ZSWIM7: variants seen among roughly 807,000 people sequenced by gnomAD.
ZSWIM7 encodes zinc finger SWIM-type containing 7.
ZSWIM7 carries 22 observed loss-of-function variants against 21.1 expected under a neutral mutation model. That is an observed-to-expected ratio of 1.04 (90% CI 0.74 to 1.49). The LOEUF is 1.49. ZSWIM7 is among the 40% of genes most tolerant of loss of function. The probability of loss-of-function intolerance (pLI) is 0.00; values close to 1 mark genes in which losing one functional copy is unlikely to be tolerated. For missense variants in ZSWIM7, 193 were observed against 168.0 expected, an observed-to-expected ratio of 1.15 and a Z score of -0.82; for synonymous variants, 67 against 66.5, an observed-to-expected ratio of 1.01 and a Z score of -0.04.
intron 2 of ZSWIM7, chr17:15,990,752 T>G (rs1970472059): frequency 6.6e-6 from 1 of 151,966 alleles, no homozygotes; most frequent in Admixed American, 6.6e-5. Flanking sequence ...TAGAAAAGAG[T>G]GCTTTGAATT....
chr17:15,988,928 G>A (rs1161992224), intron 2 of ZSWIM7, among the ~76,000 whole-genome samples: 2 of 152,162 alleles, frequency 1.3e-5, no homozygotes, highest in Non-Finnish European at 2.9e-5. Flanking sequence ...GCTGAGGCAG[G>A]AGAATCGCTT....
Position 15,978,105 on chromosome 17 carries a change from C to G in ZSWIM7, c.365G>C (p.Ser122Thr). The G allele has an allele frequency of 3.1e-6, 5 of 1,614,168 alleles. No homozygotes were observed. The highest frequency in any genetic ancestry group is 4.2e-6 in the Non-Finnish European group (5 of 1,180,018). The change falls in exon 5 of 5, where the codon AGT becomes ACT. Residue 122 changes from serine to threonine, a missense_variant. Ser to Thr is a moderately conservative substitution (Grantham distance 58, BLOSUM62 1). Coordinates refer to ENST00000399277, the MANE Select transcript of ZSWIM7 (RefSeq NM_001042697.2). ...SQVMRTCQQL[S>T]VSDKQLTDIL... ...GTCAGTCAACTGCTTGTCAGAGACA[C>G]TTAGCTGCTGACAGGTCCTCATAAC...
chr17:15,982,958 A>G (rs1352988852), intron 3 of ZSWIM7, among the ~76,000 whole-genome samples: 2 of 152,148 alleles, frequency 1.3e-5, no homozygotes, highest in African/African-American at 4.8e-5. Context: ...CAGCCTCAGT[A>G]TGGTTTTTTG....
intron 2 of ZSWIM7, chr17:15,990,817 A>G (rs977319461): frequency 3.3e-5 from 5 of 152,230 alleles, no homozygotes; most frequent in Non-Finnish European, 5.9e-5. Context: ...ACAAAAAACA[A>G]TGAAATAAAA....
intron 1 of ZSWIM7, among the ~76,000 whole-genome samples, chr17:15,994,311 C>T (rs75578014): frequency 6.6e-6 from 1 of 152,248 alleles, no homozygotes; most frequent in East Asian, 1.9e-4. Context: ...GAAACAACAG[C>T]CATGATACAT....
In ZSWIM7 at chr17:15,999,523, CGCGCTCTCCT is replaced by C. The variant is rs1970641008; in HGVS notation, c.62_71del (p.Gln21ArgfsTer11). On this transcript the variant is annotated frameshift_variant, in exon 1 of 5. Transcript: ENST00000399277. LOFTEE classifies it high-confidence loss of function. ...CACACGACCTCGGTCCCGTACTTCG[CGCGCTCTCCT>C]GCACCGCCGCCGCCATCTCGCTCAG... 1 of 1,600,494 alleles carries C rather than the reference CGCGCTCTCCT, an allele frequency of 6.2e-7. No individual in the cohort carries two copies. The highest frequency in any genetic ancestry group is 2.2e-5 in the East Asian group (1 of 44,778).
chr17:15,988,542 TG>T (rs1226865550), intron 2 of ZSWIM7, among the ~76,000 whole-genome samples: 1 of 151,644 alleles, frequency 6.6e-6, no homozygotes, highest in African/African-American at 2.4e-5. Context: ...GAAACAGGAG[TG>T]GTGGCTCATG....
chr17:15,995,288 A>G (rs542679626), intron 1 of ZSWIM7, among the ~76,000 whole-genome samples: 11 of 148,928 alleles, frequency 7.4e-5, no homozygotes, highest in African/African-American at 2.2e-4. Flanking sequence ...TTTTTTTGAG[A>G]CGGAGTTTCG....
At chr17:15,983,150 G>C (rs1018472160) in intron 3 of ZSWIM7, among the ~76,000 whole-genome samples, 1 of 151,774 alleles carries the variant, frequency 6.6e-6, no homozygotes, top group African/African-American at 2.4e-5. Context: ...TTCAAGACCA[G>C]CCTGGTCAAT....
intron 3 of ZSWIM7, among the ~76,000 whole-genome samples, chr17:15,984,224 C>T (rs887593648): frequency 1.3e-5 from 2 of 152,174 alleles, no homozygotes; most frequent in Non-Finnish European, 2.9e-5. Flanking sequence ...TTGCTTTTCG[C>T]TTATCTAGCA....
intron 1 of ZSWIM7, among the ~76,000 whole-genome samples, chr17:15,994,513 T>C (rs73276071): frequency 0.032 from 4,888 of 152,218 alleles, 264 homozygotes; most frequent in African/African-American, 0.11. Flanking sequence ...AAAATAAGAC[T>C]CTTTTCGAGT....
chr17:15,978,029 A>AT lies in ZSWIM7; in HGVS notation c.*17dup. The AT allele has an allele frequency of 1.3e-6, 2 of 1,573,692 alleles. No homozygotes were observed. The highest frequency in any genetic ancestry group is 1.7e-6 in the Non-Finnish European group (2 of 1,143,728). ...GACAGGATTCTATTTTGAAAGAATG[A>AT]TGCTCAATCTGTACCTTTTATGCTT... On this transcript the variant is annotated 3_prime_UTR_variant, in exon 5 of 5. Transcript: ENST00000399277.
intron 4 of ZSWIM7, among the ~76,000 whole-genome samples, chr17:15,979,224 T>A (rs377412136): frequency 1.2e-4 from 19 of 152,012 alleles, no homozygotes; most frequent in East Asian, 5.8e-4. Flanking sequence ...CATCTGTTTA[T>A]CAAAGCACAT....
At chr17:15,996,886 C>A (rs942951394) in intron 1 of ZSWIM7, among the ~76,000 whole-genome samples, 1 of 150,496 alleles carries the variant, frequency 6.6e-6, no homozygotes, top group African/African-American at 2.5e-5. Flanking sequence ...GGGCCGGGTG[C>A]GGTGGCTCAT....
chr17:15,987,394 A>G (rs1219511776), intron 2 of ZSWIM7, 26 bp from the exon 3 acceptor site: 2 of 1,590,610 alleles, frequency 1.3e-6, no homozygotes, highest in African/African-American at 1.3e-5. Context: ...ACTTCAGATT[A>G]GAAGGCCTGA....
intron 2 of ZSWIM7, among the ~76,000 whole-genome samples, chr17:15,990,664 C>T (rs570370417): frequency 5.3e-5 from 8 of 152,214 alleles, no homozygotes; most frequent in Non-Finnish European, 1.2e-4. Flanking sequence ...CCTAGTAAGG[C>T]TTCAAAATTA....
At chr17:15,985,186 C>A (rs1017368351) in intron 3 of ZSWIM7, among the ~76,000 whole-genome samples, 1 of 152,010 alleles carries the variant, frequency 6.6e-6, no homozygotes, top group African/African-American at 2.4e-5. Context: ...CACCTGTAAT[C>A]CCAGCTACTC....
At chr17:15,999,472 C>T in intron 1 of ZSWIM7, 47 bp downstream of exon 1, 1 of 1,587,364 alleles carries the variant, frequency 6.3e-7, no homozygotes, top group Admixed American at 1.7e-5. Context: ...TGCCCGGATG[C>T]CCCGCCCGCG....
chr17:15,991,076 C>G (rs989793219), intron 2 of ZSWIM7: 1 of 152,002 alleles, frequency 6.6e-6, no homozygotes, highest in Admixed American at 6.6e-5. Context: ...CCACTGTACT[C>G]CAGCCTCAGT....
Sources: allele counts gnomAD v4.1 joint callset (sites outside exome capture counted in the v4.1 genomes callset), GRCh38; gene constraint gnomAD v4.1.1; transcripts MANE v1.5; gene names NCBI Gene and HGNC (gene_info 2026-07-23, HGNC 2026-07-21).